The following GALNTL6 variants were observed in gnomAD, a reference collection of about 807,000 sequenced individuals.
The protein encoded by GALNTL6 is polypeptide N-acetylgalactosaminyltransferase-like 6.
Under a neutral mutation model 73.7 loss-of-function variants are expected in GALNTL6, and 46 were observed. That is an observed-to-expected ratio of 0.62 (90% CI 0.49 to 0.80). The LOEUF is 0.80. Among genes scored for constraint, GALNTL6 ranks in the 30% least tolerant of loss-of-function variants. The probability of loss-of-function intolerance (pLI) is 0.00; values close to 1 mark genes in which losing one functional copy is unlikely to be tolerated. For synonymous variants in GALNTL6, 259 were observed against 263.7 expected (o/e 0.98, Z 0.17); for missense variants, 604 against 755.0 (o/e 0.80, Z 2.34).
chr4:172,370,543 A>G (rs1462252947), intron 5 of GALNTL6, among the ~76,000 whole-genome samples: 1 of 144,340 alleles, frequency 6.9e-6, no homozygotes, highest in Non-Finnish European at 1.5e-5. Context: ...AGGCAGGAGA[A>G]TGGTGTGAAC....
intron 7 of GALNTL6, among the ~76,000 whole-genome samples, chr4:172,818,694 G>A (rs935884638): frequency 3.3e-5 from 5 of 152,144 alleles, no homozygotes; most frequent in African/African-American, 1.2e-4. Flanking sequence ...TGCCTCCTGG[G>A]TTCAAGTGAT....
chr4:171,840,929 TTGTTATC>T (rs1441743295), intron 2 of GALNTL6, among the ~76,000 whole-genome samples: 1 of 152,170 alleles, frequency 6.6e-6, no homozygotes, highest in Non-Finnish European at 1.5e-5. Flanking sequence ...GAAGTAGCTA[TTGTTATC>T]TCTCAAAAGA....
intron 12 of GALNTL6, among the ~76,000 whole-genome samples, chr4:173,034,861 G>T (rs1171533168): frequency 6.6e-6 from 1 of 152,136 alleles, no homozygotes; most frequent in East Asian, 1.9e-4. Context: ...TGGAAAAGAA[G>T]CTCCAGGAGG....
At chr4:172,514,132 G>A (rs189871412) in intron 5 of GALNTL6, among the ~76,000 whole-genome samples, 1 of 152,240 alleles carries the variant, frequency 6.6e-6, no homozygotes. Context: ...TAAGTACTCA[G>A]GTTTCTCAGG....
chr4:172,888,669 A>G (rs185736456), intron 8 of GALNTL6, among the ~76,000 whole-genome samples: 55 of 152,282 alleles, frequency 3.6e-4, no homozygotes, highest in Admixed American at 2.8e-3. Flanking sequence ...GTCTTGTAGT[A>G]CAGTTTGAAT....
intron 2 of GALNTL6, among the ~76,000 whole-genome samples, chr4:172,083,569 A>G (rs6830980): frequency 0.99 from 150,276 of 152,292 alleles, 74,168 homozygotes; most frequent in Middle Eastern, 1. Context: ...CGTAGCTCCC[A>G]CCCTTATCTC....
In GALNTL6 at chr4:172,252,692, A is replaced by G. The variant is rs142680908; in HGVS notation, c.247+22928A>G. ...CATGGATGGAGAGCTTTTCAGAGTAAGAATGTTCTAATGGTCTTTTGTGAA... is the reference window on the plus strand; with the variant it reads ...CATGGATGGAGAGCTTTTCAGAGTAGGAATGTTCTAATGGTCTTTTGTGAA... On this transcript the variant is annotated intron_variant, in intron 3 of 12. Transcript: ENST00000506823. 2.0e-4 allele frequency among the ~76,000 whole-genome samples: 31 copies of G among 152,238 alleles called. No homozygotes were observed. The East Asian group carries it at 2.7e-3, about 13-fold the overall frequency.
chr4:172,818,623 A>G (rs1314253371), intron 7 of GALNTL6, among the ~76,000 whole-genome samples: 1 of 152,106 alleles, frequency 6.6e-6, no homozygotes, highest in African/African-American at 2.4e-5. Context: ...TTTGGAGACA[A>G]AGTCTCACTC....
intron 2 of GALNTL6, among the ~76,000 whole-genome samples, chr4:171,967,265 G>A (rs1739411512): frequency 6.6e-6 from 1 of 152,150 alleles, no homozygotes; most frequent in Admixed American, 6.5e-5. Context: ...ATGTCAACAG[G>A]TGTGCTTGTT....
intron 2 of GALNTL6, among the ~76,000 whole-genome samples, chr4:172,129,706 C>T (rs1173388293): frequency 6.6e-6 from 1 of 152,134 alleles, no homozygotes; most frequent in Non-Finnish European, 1.5e-5. Context: ...AGACATGCCT[C>T]ACAGAGAGAA....
At chr4:172,074,818 A>T (rs185725852) in intron 2 of GALNTL6, among the ~76,000 whole-genome samples, 4 of 152,320 alleles carry the variant, frequency 2.6e-5, no homozygotes, top group Non-Finnish European at 4.4e-5. Context: ...TCTTAAAATC[A>T]GGTGTACTAA....
chr4:172,661,219 C>T (rs1731351305), intron 5 of GALNTL6, among the ~76,000 whole-genome samples: 1 of 152,116 alleles, frequency 6.6e-6, no homozygotes, highest in African/African-American at 2.4e-5. Flanking sequence ...CAAAACTGAC[C>T]TCCAGCCCCT....
chr4:172,705,487 C>T (rs1289655848), intron 5 of GALNTL6, among the ~76,000 whole-genome samples: 2 of 150,010 alleles, frequency 1.3e-5, no homozygotes, highest in African/African-American at 4.9e-5. Context: ...TAGCTCTATT[C>T]CTTCCAAAAT....
At position 172,882,773 on chromosome 4, in the gene GALNTL6, T is replaced by C. The variant is rs1391040980; in HGVS notation, c.924-17T>C. 6.8e-7 allele frequency: 1 copy of C among 1,462,136 alleles called. No homozygotes were observed. The highest frequency in any genetic ancestry group is 1.7e-5 in the Admixed American group (1 of 59,802). The allele number at this position is 1,462,136 out of a possible 1,614,324, so 90.6% of individuals were successfully genotyped here. A position where few individuals can be genotyped will look rare whatever the true frequency, so the allele number is the denominator to read the frequency against. ...AACGTTCATAGTCCTTTAAAGATTA[T>C]TTTGTTCATTTCACAGGTCTCCTGT... On this transcript the variant is annotated splice_polypyrimidine_tract_variant and intron_variant, in intron 7 of 12. Transcript: ENST00000506823.
At chr4:172,764,522 A>G (rs907322900) in intron 5 of GALNTL6, among the ~76,000 whole-genome samples, 2 of 152,026 alleles carry the variant, frequency 1.3e-5, no homozygotes, top group Non-Finnish European at 2.9e-5. Flanking sequence ...ATGATGAAAT[A>G]AATATGACAT....
chr4:171,876,261 G>A (rs1203352554), intron 2 of GALNTL6, among the ~76,000 whole-genome samples: 4 of 152,224 alleles, frequency 2.6e-5, no homozygotes, highest in South Asian at 4.1e-4. Context: ...ACAGAAAGAC[G>A]TCTTAAAACA....
chr4:172,470,432 T>A (rs1052727356), intron 5 of GALNTL6, among the ~76,000 whole-genome samples: 1 of 152,196 alleles, frequency 6.6e-6, no homozygotes, highest in African/African-American at 2.4e-5. Context: ...TTTTATACCA[T>A]CTGCCATAGA....
intron 5 of GALNTL6, among the ~76,000 whole-genome samples, chr4:172,440,174 C>A (rs1731778129): frequency 6.6e-6 from 1 of 152,072 alleles, no homozygotes; most frequent in Admixed American, 6.6e-5. Context: ...CTTACACTCA[C>A]ACAAGAATTT....
chr4:172,769,775 A>G (rs1004336435), intron 5 of GALNTL6, among the ~76,000 whole-genome samples: 1 of 152,202 alleles, frequency 6.6e-6, no homozygotes. Flanking sequence ...ATTTCGTGTA[A>G]TAAAATAGCA....
Sources: gnomAD v4.1 joint callset for allele counts (sites outside exome capture counted in the v4.1 genomes callset) on GRCh38, gnomAD v4.1.1 for gene constraint, MANE v1.5 for transcripts, NCBI Gene and HGNC (gene_info 2026-07-23, HGNC 2026-07-21) for gene names.